The following ATP2C2 variants were observed in gnomAD, a reference collection of about 807,000 sequenced individuals.
ATP2C2 encodes ATPase secretory pathway Ca2+ transporting 2.
A neutral mutation model predicts 110.8 loss-of-function variants in ATP2C2; 171 were observed. That is an observed-to-expected ratio of 1.54 (90% CI 1.36 to 1.75). The LOEUF (loss-of-function observed/expected upper bound fraction) is 1.75. Among genes scored for constraint, ATP2C2 ranks in the 40% most tolerant of loss-of-function variants. The pLI, the probability that ATP2C2 is intolerant of heterozygous loss-of-function variation, is 0.00. For missense variants in ATP2C2, 1,963 were observed against 1,235.0 expected (o/e 1.59, Z -8.84); for synonymous variants, 804 against 508.4 (o/e 1.58, Z -7.82).
intron 1 of ATP2C2, among the ~76,000 whole-genome samples, chr16:84,388,142 T>C (rs1904426543): frequency 1.3e-5 from 2 of 151,950 alleles, no homozygotes; most frequent in Non-Finnish European, 2.9e-5. Flanking sequence ...CCTGGCCAAA[T>C]GGTGAAATCC....
rs1360367676 is a variant in ATP2C2, at chr16:84,463,808, C to T, written c.*76C>T. On this transcript the variant is annotated 3_prime_UTR_variant, in exon 27 of 27. Transcript: ENST00000262429. Reference sequence around the variant, plus strand: ...TGTGGCCCCTGCCGTGTCTCCTCGTCAGGGGAGACTTTTAGGAGGCCGCAG... The same window carrying T: ...TGTGGCCCCTGCCGTGTCTCCTCGTTAGGGGAGACTTTTAGGAGGCCGCAG... The T allele has an allele frequency of 4.6e-6, 6 of 1,306,894 alleles. No homozygotes were observed. In the African/African-American group the frequency reaches 5.9e-5, roughly 13 times the overall value. 81.0% of individuals were successfully genotyped at this position (1,306,894 alleles called of 1,614,324 possible). A position where few individuals can be genotyped will look rare whatever the true frequency, so the allele number is the denominator to read the frequency against.
At chr16:84,424,944 T>C (rs1291300941) in intron 10 of ATP2C2, among the ~76,000 whole-genome samples, 2 of 152,132 alleles carry the variant, frequency 1.3e-5, no homozygotes, top group African/African-American at 2.4e-5. Context: ...CTATTTCCAA[T>C]AGAGCTCCCC....
rs1460168488 is a variant in ATP2C2 at position 84,463,778 on chromosome 16, G to C, written c.*46G>C. 3 of 1,520,794 alleles carry C rather than the reference G, an allele frequency of 2.0e-6. No individual in the cohort carries two copies. The highest frequency in any genetic ancestry group is 1.1e-5 in the South Asian group (1 of 89,108). The allele number at this position is 1,520,794 out of a possible 1,614,324, so 94.2% of individuals were successfully genotyped here. A position where few individuals can be genotyped will look rare whatever the true frequency, so the allele number is the denominator to read the frequency against. On this transcript the variant is annotated 3_prime_UTR_variant, in exon 27 of 27. Transcript: ENST00000262429. ...CTTCCCTAATCATCTCGATCTGGTT[G>C]TGACTGTGGCCCCTGCCGTGTCTCC...
chr16:84,427,575 G>A (rs1212604667), intron 11 of ATP2C2, among the ~76,000 whole-genome samples: 3 of 152,060 alleles, frequency 2.0e-5, no homozygotes, highest in Non-Finnish European at 4.4e-5. Context: ...AAATTAACTG[G>A]GTGTGGTGGC....
At chr16:84,382,273 A>G (rs943883887) in intron 1 of ATP2C2, among the ~76,000 whole-genome samples, 2 of 152,118 alleles carry the variant, frequency 1.3e-5, no homozygotes, top group Admixed American at 6.6e-5. Flanking sequence ...GCTGAGAATG[A>G]TGGTTTCCAG....
At chr16:84,389,727 T>C (rs1415361943) in intron 1 of ATP2C2, among the ~76,000 whole-genome samples, 6 of 149,724 alleles carry the variant, frequency 4.0e-5, no homozygotes, top group Non-Finnish European at 4.5e-5. Context: ...TTCCTTTTTT[T>C]TTTTTTTTTT....
intron 17 of ATP2C2, among the ~76,000 whole-genome samples, chr16:84,450,605 C>A (rs746428258): frequency 6.6e-6 from 1 of 152,204 alleles, no homozygotes; most frequent in East Asian, 1.9e-4. Context: ...GGAGGAAGGG[C>A]GCCAGCGTCA....
intron 10 of ATP2C2, among the ~76,000 whole-genome samples, chr16:84,423,985 C>T (rs1165420496): frequency 1.3e-5 from 2 of 152,212 alleles, no homozygotes; most frequent in African/African-American, 2.4e-5. Context: ...CTGTTCTTTC[C>T]ATATCTGGCC....
At chr16:84,384,527 G>A (rs756480360) in intron 1 of ATP2C2, among the ~76,000 whole-genome samples, 24 of 152,302 alleles carry the variant, frequency 1.6e-4, no homozygotes, top group Admixed American at 2.6e-4. Flanking sequence ...TTAAGACAGC[G>A]TCTGCCAGGT....
chr16:84,423,152 T>C lies in ATP2C2; in HGVS notation c.844-36T>C, dbSNP rs146980662. On this transcript the variant is annotated intron_variant, in intron 9 of 26. Coordinates refer to ENST00000262429, the MANE Select transcript of ATP2C2 (RefSeq NM_014861.4). ...GAACAAAGGCAGGCAGAAGCTAGGA[T>C]CTTGTCCAACTAACCCATTGTGCTC... 1.6e-4 allele frequency: 255 copies of C among 1,576,260 alleles called. No homozygotes were observed. The African/African-American group carries it at 3.0e-3, about 18-fold the overall frequency.
chr16:84,374,594 C>T (rs1209863800), intron 1 of ATP2C2, among the ~76,000 whole-genome samples: 1 of 152,102 alleles, frequency 6.6e-6, no homozygotes, highest in Non-Finnish European at 1.5e-5. Context: ...TCCCAGAGTC[C>T]CAACTAGAAG....
chr16:84,406,280 C>T (rs979514977), intron 3 of ATP2C2, among the ~76,000 whole-genome samples: 12 of 152,230 alleles, frequency 7.9e-5, no homozygotes, highest in African/African-American at 1.9e-4. Flanking sequence ...TTCTAGAAGT[C>T]GGCAGTCCCT....
At chr16:84,446,874 C>T (rs1403536873) in intron 16 of ATP2C2, among the ~76,000 whole-genome samples, 2 of 152,134 alleles carry the variant, frequency 1.3e-5, no homozygotes, top group Admixed American at 6.5e-5. Flanking sequence ...CTTTGCAGCC[C>T]TGTGCTAAGT....
chr16:84,422,535 G>A lies in ATP2C2; in HGVS notation c.770G>A (p.Gly257Asp), dbSNP rs749604077. The A allele has an allele frequency of 5.0e-6, 8 of 1,613,856 alleles. No homozygotes were observed. The Admixed American group carries it at 1.0e-4, about 20-fold the overall frequency. ...GGGACCCTGGTGCAGTATGGGAGGGGCCAGGTAAGCCCTGGGACACCGAGG... is the reference window on the plus strand; with the variant it reads ...GGGACCCTGGTGCAGTATGGGAGGGACCAGGTAAGCCCTGGGACACCGAGG... ...FMGTLVQYGR[G>D]QGVVIGTGES... Residue 257 changes from glycine (G) to aspartate (D), a missense_variant, in exon 8 of 27, where the codon GGC becomes GAC. Transcript: ENST00000262429.
intron 1 of ATP2C2, among the ~76,000 whole-genome samples, chr16:84,392,906 C>T (rs565677490): frequency 6.6e-6 from 1 of 152,234 alleles, no homozygotes; most frequent in South Asian, 2.1e-4. Context: ...GGTGGGTGGG[C>T]CTAGAATGGA....
At chr16:84,421,588 G>C (rs1440479114) in intron 7 of ATP2C2, among the ~76,000 whole-genome samples, 2 of 152,114 alleles carry the variant, frequency 1.3e-5, no homozygotes, top group Admixed American at 1.3e-4. Context: ...ACTCAGAGGT[G>C]TCTGGCACGG....
At chr16:84,427,283 T>A (rs68004063) in intron 11 of ATP2C2, among the ~76,000 whole-genome samples, 31,017 of 152,022 alleles carry the variant, frequency 0.2, 3,477 homozygotes, top group Non-Finnish European at 0.26. Context: ...ACAACTTAGG[T>A]ACAGTGGAAT....
At chr16:84,433,008 C>A (rs797022691) in intron 11 of ATP2C2, among the ~76,000 whole-genome samples, 2 of 152,040 alleles carry the variant, frequency 1.3e-5, no homozygotes, top group African/African-American at 4.8e-5. Flanking sequence ...GCAGGGGTGG[C>A]GGCAGGGAGG....
intron 1 of ATP2C2, among the ~76,000 whole-genome samples, chr16:84,374,527 C>T (rs746604240): frequency 5.9e-5 from 9 of 152,144 alleles, no homozygotes; most frequent in Non-Finnish European, 1.3e-4. Flanking sequence ...GATGGCATCC[C>T]GGAAACCCTG....
Sources: gnomAD v4.1 joint callset for allele counts (sites outside exome capture counted in the v4.1 genomes callset) on GRCh38, gnomAD v4.1.1 for gene constraint, MANE v1.5 for transcripts, NCBI Gene and HGNC (gene_info 2026-07-23, HGNC 2026-07-21) for gene names.